The following MORC1 variants were observed in gnomAD, a reference collection of about 807,000 sequenced individuals.
MORC1 encodes MORC family CW-type zinc finger protein 1.
MORC1 carries 59 observed loss-of-function variants against 134.9 expected under a neutral mutation model. The observed-to-expected ratio is 0.44, with a 90% CI of 0.35 to 0.54. The LOEUF is 0.54. Ranked by LOEUF, MORC1 falls within the 20% of genes least tolerant of loss-of-function variation. MORC1 has a pLI of 0.00. For missense variants in MORC1, 947 were observed against 1,134.5 expected (o/e 0.83, Z 2.37); for synonymous variants, 395 against 391.7 (o/e 1.01, Z -0.10).
chr3:109,092,485 C>A (rs1001690364), intron 8 of MORC1, among the ~76,000 whole-genome samples: 6 of 152,056 alleles, frequency 3.9e-5, no homozygotes, highest in African/African-American at 1.4e-4. Context: ...TAGCTACTGG[C>A]CACCTGTGGC....
At position 109,061,984 on chromosome 3, in the gene MORC1, G is replaced by A. The variant is rs7653651; in HGVS notation, c.966+4C>T. On this transcript the variant is annotated splice_donor_region_variant and intron_variant, in intron 11 of 27. Coordinates refer to ENST00000232603, the MANE Select transcript of MORC1 (RefSeq NM_014429.4). ...AATAAGACTACTCTCTTTACATGTC[G>A]TACCTTGGCAGAAGATAAAGAGGTT... 0.24 allele frequency: 384,897 copies of A among 1,610,948 alleles called. 48,490 individuals are homozygous for A. Among genetic ancestry groups the A allele is most frequent in the Middle Eastern group, 0.3 (1,833 of 6,054 alleles).
chr3:109,115,880 G>GAGT (rs777363290), intron 1 of MORC1, among the ~76,000 whole-genome samples: 1 of 152,226 alleles, frequency 6.6e-6, no homozygotes, highest in Non-Finnish European at 1.5e-5. Flanking sequence ...TGATGGGAAA[G>GAGT]AGTAACTGGT....
chr3:109,054,961 C>A (rs1949922755), intron 13 of MORC1, 79 bp from the exon 14 acceptor site: 9 of 1,285,104 alleles, frequency 7.0e-6, no homozygotes, highest in Non-Finnish European at 9.7e-6. Context: ...CATTTGAAAT[C>A]ATTTTTTTTT....
intron 16 of MORC1, among the ~76,000 whole-genome samples, chr3:109,031,079 G>T (rs994106088): frequency 2.0e-5 from 3 of 152,166 alleles, no homozygotes; most frequent in Admixed American, 6.5e-5. Context: ...TCAGAAGGGG[G>T]TGAGTCTGTG....
chr3:109,032,802 A>T lies in MORC1; in HGVS notation c.1483T>A (p.Leu495Met). 1 of 1,601,996 alleles carries T rather than the reference A, an allele frequency of 6.2e-7. No homozygotes were observed. Among genetic ancestry groups the T allele is most frequent in the Non-Finnish European group, 8.5e-7 (1 of 1,171,476 alleles). The change falls in exon 16 of 28, where the codon TTG becomes ATG. Residue 495 changes from leucine (L) to methionine (M), a missense_variant. Leu to Met is a conservative substitution (Grantham distance 15). Coordinates refer to ENST00000232603, the MANE Select transcript of MORC1 (RefSeq NM_014429.4). ...QCDLCLKWRV[L>M]PSSTNYQEKE... The stretch of plus-strand genomic sequence containing the variant: ...TCCTGATAATTAGTAGAGGAAGGCA[A>T]GACTCTCCATTTAAGACAAAGATCT...
intron 21 of MORC1, among the ~76,000 whole-genome samples, chr3:108,993,136 T>C (rs1948112929): frequency 1.3e-5 from 2 of 152,204 alleles, no homozygotes; most frequent in South Asian, 4.1e-4. Flanking sequence ...CTGTATCCTT[T>C]CCATAACATA....
chr3:109,042,224 C>T (rs1160953150), intron 14 of MORC1, among the ~76,000 whole-genome samples: 2 of 152,100 alleles, frequency 1.3e-5, no homozygotes, highest in Admixed American at 1.3e-4. Context: ...ATAGAATTAC[C>T]ATGTGATCTG....
chr3:109,052,530 G>A (rs994865469), intron 14 of MORC1, among the ~76,000 whole-genome samples: 4 of 152,060 alleles, frequency 2.6e-5, no homozygotes, highest in African/African-American at 7.2e-5. Context: ...ACTCAGCTTC[G>A]GCAGGAAATC....
intron 21 of MORC1, 28 bp from the exon 22 acceptor site, chr3:108,986,977 T>C: frequency 6.6e-7 from 1 of 1,524,926 alleles, no homozygotes; most frequent in East Asian, 2.3e-5. Flanking sequence ...TATTTAAAAC[T>C]GTACAAAAAC....
intron 13 of MORC1, 151 bp from the exon 14 acceptor site, chr3:109,055,033 T>C (rs1576685872): frequency 1.4e-6 from 1 of 712,266 alleles, no homozygotes. Context: ...TAGCTAATTA[T>C]GTTATCATAA....
chr3:108,973,652 T>A (rs1194645717), intron 24 of MORC1, among the ~76,000 whole-genome samples: 4 of 146,608 alleles, frequency 2.7e-5, no homozygotes, highest in Non-Finnish European at 4.5e-5. Flanking sequence ...TGGAATGCAG[T>A]GGTGCGTGAT....
At chr3:109,109,314 G>A (rs1487680888) in intron 3 of MORC1, among the ~76,000 whole-genome samples, 1 of 151,826 alleles carries the variant, frequency 6.6e-6, no homozygotes, top group Non-Finnish European at 1.5e-5. Context: ...ATGTTCCAGG[G>A]GAACAAAGAC....
At chr3:109,090,283 C>T (rs1041003219) in intron 8 of MORC1, among the ~76,000 whole-genome samples, 2 of 151,952 alleles carry the variant, frequency 1.3e-5, no homozygotes, top group Non-Finnish European at 2.9e-5. Context: ...AGTGCCTCAG[C>T]CCAAAGCAGA....
At chr3:108,984,524 A>ACGAAG (rs959039724) in intron 23 of MORC1, among the ~76,000 whole-genome samples, 192 bp downstream of exon 23, 10 of 143,374 alleles carry the variant, frequency 7.0e-5, no homozygotes, top group African/African-American at 2.7e-4. Context: ...CCAGTTCTTC[A>ACGAAG]CGAAAGAAAT....
At chr3:109,046,115 T>C (rs553560659) in intron 14 of MORC1, among the ~76,000 whole-genome samples, 4 of 152,338 alleles carry the variant, frequency 2.6e-5, no homozygotes, top group South Asian at 4.1e-4. Context: ...ATCTATAGCA[T>C]ATAGATGTAT....
chr3:108,988,925 G>A (rs1462833352), intron 21 of MORC1, among the ~76,000 whole-genome samples: 1 of 152,106 alleles, frequency 6.6e-6, no homozygotes, highest in Non-Finnish European at 1.5e-5. Flanking sequence ...CCCCAAAAAT[G>A]TTACTTGTAC....
At chr3:109,096,980 G>T (rs1950842242) in intron 6 of MORC1, among the ~76,000 whole-genome samples, 1 of 152,060 alleles carries the variant, frequency 6.6e-6, no homozygotes, top group Admixed American at 6.6e-5. Flanking sequence ...GTTACAAAAG[G>T]ATAGAAAAGA....
At chr3:109,008,758 T>C (rs953414152) in intron 17 of MORC1, among the ~76,000 whole-genome samples, 3 of 152,170 alleles carry the variant, frequency 2.0e-5, no homozygotes, top group Non-Finnish European at 4.4e-5. Context: ...ACAGGATCTA[T>C]GTATTTCCTA....
chr3:109,041,088 G>A (rs528516358), intron 14 of MORC1, among the ~76,000 whole-genome samples: 48 of 151,822 alleles, frequency 3.2e-4, no homozygotes, highest in African/African-American at 1.2e-3. Context: ...AAGGTGGGTG[G>A]ATCACAAGGT....
Sources: allele counts gnomAD v4.1 joint callset (sites outside exome capture counted in the v4.1 genomes callset), GRCh38; gene constraint gnomAD v4.1.1; transcripts MANE v1.5; gene names NCBI Gene and HGNC (gene_info 2026-07-23, HGNC 2026-07-21).